Variants in TENM4 observed in about 807,000 individuals in gnomAD.
The protein encoded by TENM4 is teneurin transmembrane protein 4.
A neutral mutation model predicts 243.3 loss-of-function variants in TENM4; 82 were observed. That is an observed-to-expected ratio of 0.34 (90% CI 0.28 to 0.40). The LOEUF (loss-of-function observed/expected upper bound fraction) is 0.40, where lower values mean the gene tolerates loss of function less well. Ranked by LOEUF, TENM4 falls within the 10% of genes least tolerant of loss-of-function variation. The pLI is 1.00. For synonymous variants in TENM4, 1,412 were observed against 1,456.3 expected (o/e 0.97, Z 0.69); for missense variants, 3,138 against 3,673.3 (o/e 0.85, Z 3.77).
chr11:78,924,163 G>GT (rs1228763052), intron 6 of TENM4, among the ~76,000 whole-genome samples: 1 of 152,164 alleles, frequency 6.6e-6, no homozygotes, highest in Non-Finnish European at 1.5e-5. Flanking sequence ...CCTGTTCTTT[G>GT]TTTTTAATAC....
intron 6 of TENM4, among the ~76,000 whole-genome samples, chr11:79,031,153 C>G (rs1170081846): frequency 6.6e-6 from 1 of 152,102 alleles, no homozygotes; most frequent in African/African-American, 2.4e-5. Flanking sequence ...AAGTACTTAG[C>G]AAATGATGTC....
intron 1 of TENM4, among the ~76,000 whole-genome samples, chr11:79,339,773 G>T (rs1857212071): frequency 6.6e-6 from 1 of 152,150 alleles, no homozygotes; most frequent in Non-Finnish European, 1.5e-5. Context: ...GAGGAGAAAA[G>T]GGAGGAGAGG....
intron 6 of TENM4, among the ~76,000 whole-genome samples, chr11:78,905,022 TAA>T (rs1366493518): frequency 2.6e-5 from 4 of 152,246 alleles, no homozygotes; most frequent in Admixed American, 1.3e-4. Context: ...ACAAGTCATT[TAA>T]CCTCTTTAAG....
intron 6 of TENM4, among the ~76,000 whole-genome samples, chr11:78,952,309 C>T (rs1400516643): frequency 6.6e-6 from 1 of 152,208 alleles, no homozygotes; most frequent in Non-Finnish European, 1.5e-5. Flanking sequence ...GTTGAATCTG[C>T]ATGAAAGTAA....
intron 6 of TENM4, among the ~76,000 whole-genome samples, chr11:78,992,338 G>A (rs1223776576): frequency 1.3e-5 from 2 of 152,174 alleles, no homozygotes; most frequent in African/African-American, 2.4e-5. Context: ...GACCTCTTCC[G>A]GGAAGTCCTC....
chr11:78,756,938 G>A lies in TENM4; in HGVS notation c.2623C>T (p.Pro875Ser). 1 of 1,613,976 alleles carries A rather than the reference G, an allele frequency of 6.2e-7. No homozygotes were observed. The highest frequency in any genetic ancestry group is 2.2e-5 in the East Asian group (1 of 44,874). Residue 875 changes from proline to serine, a missense_variant, in exon 19 of 34, where the codon CCT becomes TCT. Pro to Ser is a moderately conservative substitution (Grantham distance 74). Transcript: ENST00000278550. ...TGTGTCTCCTGGATGATGTCCAGAG[G>A]GTTAGGGGAGCCAAGGCACAGCGGG... ...INPLCLGSPN[P>S]LDIIQETQVP...
chr11:79,429,327 C>G (rs1379986771), intron 1 of TENM4, among the ~76,000 whole-genome samples: 1 of 152,140 alleles, frequency 6.6e-6, no homozygotes, highest in Non-Finnish European at 1.5e-5. Context: ...ACATCCTTCC[C>G]CCTCCCGCCT....
chr11:78,791,325 A>T (rs1629611), intron 15 of TENM4, among the ~76,000 whole-genome samples: 126,886 of 152,224 alleles, frequency 0.83, 53,623 homozygotes, highest in Non-Finnish European at 0.88. Context: ...AAAGCAGATA[A>T]AATTTCCTGA....
At chr11:78,664,035 C>G (rs1201029677) in intron 32 of TENM4, among the ~76,000 whole-genome samples, 2 of 152,176 alleles carry the variant, frequency 1.3e-5, no homozygotes, top group African/African-American at 2.4e-5. Flanking sequence ...AACATGGTAG[C>G]TGAAGCAAGA....
chr11:79,328,403 C>A (rs1565301467), intron 1 of TENM4, among the ~76,000 whole-genome samples: 1 of 152,186 alleles, frequency 6.6e-6, no homozygotes, highest in African/African-American at 2.4e-5. Context: ...TCAGAAGCCT[C>A]AGAAAATCAC....
chr11:79,291,087 T>A (rs2135381558), intron 2 of TENM4, among the ~76,000 whole-genome samples: 1 of 152,174 alleles, frequency 6.6e-6, no homozygotes, highest in Admixed American at 6.5e-5. Context: ...CTGTGGTGGC[T>A]CTGGGTGGAG....
At chr11:78,842,141 C>A (rs1004133181) in intron 12 of TENM4, among the ~76,000 whole-genome samples, 1 of 152,202 alleles carries the variant, frequency 6.6e-6, no homozygotes, top group Non-Finnish European at 1.5e-5. Context: ...CTATTAGTAA[C>A]TGCCAACAAC....
At chr11:79,271,013 C>T (rs1855959349) in intron 2 of TENM4, among the ~76,000 whole-genome samples, 1 of 152,166 alleles carries the variant, frequency 6.6e-6, no homozygotes, top group Admixed American at 6.5e-5. Context: ...GGTTTGGAAA[C>T]TCTGATCTAG....
intron 6 of TENM4, among the ~76,000 whole-genome samples, chr11:78,918,675 T>A (rs1416520561): frequency 1.3e-5 from 2 of 152,112 alleles, no homozygotes; most frequent in Non-Finnish European, 2.9e-5. Context: ...GGGGTGTAGA[T>A]CTCCAGGCCT....
Position 79,433,210 on chromosome 11 carries a change from T to G in TENM4, c.-321+7299A>C, listed in dbSNP as rs955718945. On this transcript the variant is annotated intron_variant, in intron 1 of 33. Coordinates refer to ENST00000278550, the MANE Select transcript of TENM4 (RefSeq NM_001098816.3). ...GATAGCTTGAAATCTTGCTACTCCA[T>G]GTGTGGACAATGGACCAGGAGCATG... 7.9e-5 allele frequency among the ~76,000 whole-genome samples: 12 copies of G among 152,274 alleles called. 1 individual carries two copies. Among genetic ancestry groups the G allele is most frequent in the Admixed American group, 3.9e-4 (6 of 15,302 alleles).
chr11:78,947,244 A>T (rs1268858164), intron 6 of TENM4, among the ~76,000 whole-genome samples: 1 of 152,204 alleles, frequency 6.6e-6, no homozygotes, highest in African/African-American at 2.4e-5. Context: ...TGTAATAAAT[A>T]TTGTCTATAA....
intron 4 of TENM4, among the ~76,000 whole-genome samples, chr11:79,128,905 G>T (rs1313788439): frequency 6.6e-6 from 1 of 152,218 alleles, no homozygotes; most frequent in Admixed American, 6.5e-5. Flanking sequence ...GGACAGAGCA[G>T]TATGCAGAGG....
At chr11:79,405,440 A>C (rs1858545866) in intron 1 of TENM4, among the ~76,000 whole-genome samples, 1 of 151,848 alleles carries the variant, frequency 6.6e-6, no homozygotes, top group Non-Finnish European at 1.5e-5. Context: ...AAGGGAGAGC[A>C]TAGTCAACAT....
chr11:78,720,849 T>C (rs989565145), intron 24 of TENM4, among the ~76,000 whole-genome samples: 4 of 152,064 alleles, frequency 2.6e-5, no homozygotes, highest in Admixed American at 1.3e-4. Flanking sequence ...GAATTGGAGA[T>C]AGACTATAAT....
Sources: allele counts gnomAD v4.1 joint callset (sites outside exome capture counted in the v4.1 genomes callset), GRCh38; gene constraint gnomAD v4.1.1; transcripts MANE v1.5; gene names NCBI Gene and HGNC (gene_info 2026-07-23, HGNC 2026-07-21).